The following EYS variants were observed in gnomAD, a reference collection of about 807,000 sequenced individuals.
The protein encoded by EYS is protein eyes shut homolog.
Under a neutral mutation model 282.1 loss-of-function variants are expected in EYS, and 250 were observed. That is an observed-to-expected ratio of 0.89 (90% CI 0.80 to 0.98). The LOEUF is 0.98. Ranked by LOEUF, EYS falls within the 50% of genes least tolerant of loss-of-function variation. EYS has a pLI of 0.00. For synonymous variants in EYS, 1,355 were observed against 1,282.9 expected, an observed-to-expected ratio of 1.06 and a Z score of -1.20; for missense variants, 4,016 against 3,709.0, an observed-to-expected ratio of 1.08 and a Z score of -2.15.
chr6:65,062,618 A>G (rs1395626241), intron 12 of EYS, among the ~76,000 whole-genome samples: 1 of 151,954 alleles, frequency 6.6e-6, no homozygotes, highest in Non-Finnish European at 1.5e-5. Context: ...AGTTTAGAAC[A>G]CATAGTAATC....
At chr6:64,676,842 G>A (rs7759743) in intron 22 of EYS, among the ~76,000 whole-genome samples, 120,165 of 151,988 alleles carry the variant, frequency 0.79, 47,975 homozygotes, top group Middle Eastern at 0.92. Flanking sequence ...CCTTTCATGA[G>A]GGCTCTGCTC....
chr6:63,999,223 T>C, intron 33 of EYS, 40 bp from the exon 34 acceptor site: 1 of 1,402,802 alleles, frequency 7.1e-7, no homozygotes, highest in Non-Finnish European at 9.9e-7. Context: ...ATATGTGTTT[T>C]TGGCAAGAAA....
chr6:64,428,504 A>G (rs910547919), intron 28 of EYS, among the ~76,000 whole-genome samples: 2 of 152,144 alleles, frequency 1.3e-5, no homozygotes, highest in Admixed American at 6.5e-5. Context: ...GGTTAGAGTA[A>G]AAAACATCAT....
intron 41 of EYS, among the ~76,000 whole-genome samples, chr6:63,738,611 T>C: frequency 7.2e-6 from 1 of 139,342 alleles, no homozygotes; most frequent in Admixed American, 7.1e-5. Context: ...GGGGGAGGGA[T>C]AGCTTTAGGA....
rs533213949 is a variant in EYS, at chr6:63,884,696, A to C, written c.7056-20338T>G. On this transcript the variant is annotated intron_variant, in intron 35 of 42. Transcript: ENST00000503581. Reference sequence around the variant, plus strand: ...ATAGTCCGTCAAATCCTGATTTTCGAAATCTTAGTTTGGTTGTTAAGGAAT... The same window carrying C: ...ATAGTCCGTCAAATCCTGATTTTCGCAATCTTAGTTTGGTTGTTAAGGAAT... Among the ~76,000 whole-genome samples the C allele has an allele frequency of 1.8e-4, 28 of 152,278 alleles. 1 individual carries two copies. In the South Asian group the frequency reaches 5.6e-3, roughly 30 times the overall value.
intron 22 of EYS, among the ~76,000 whole-genome samples, chr6:64,812,153 A>G (rs1477989792): frequency 1.3e-5 from 2 of 152,002 alleles, no homozygotes; most frequent in Non-Finnish European, 2.9e-5. Context: ...TATAAAAAAC[A>G]TGTTTACTAT....
intron 36 of EYS, among the ~76,000 whole-genome samples, chr6:63,826,273 T>C (rs1771457944): frequency 6.6e-6 from 1 of 152,190 alleles, no homozygotes; most frequent in East Asian, 1.9e-4. Context: ...ATAATCATTG[T>C]TCCTGAGGAA....
At chr6:64,199,160 A>G (rs922363845) in intron 31 of EYS, among the ~76,000 whole-genome samples, 2 of 152,200 alleles carry the variant, frequency 1.3e-5, no homozygotes, top group Non-Finnish European at 2.9e-5. Flanking sequence ...AGCCAGAGGC[A>G]TCACGCTATC....
intron 12 of EYS, among the ~76,000 whole-genome samples, chr6:65,183,193 T>C (rs1765435061): frequency 6.6e-6 from 1 of 152,026 alleles, no homozygotes; most frequent in Admixed American, 6.6e-5. Context: ...TTTCGTATAG[T>C]TATTACCTGA....
intron 22 of EYS, among the ~76,000 whole-genome samples, chr6:64,663,523 C>G (rs1332746571): frequency 6.6e-6 from 1 of 152,214 alleles, no homozygotes; most frequent in Non-Finnish European, 1.5e-5. Context: ...ACTAGAACTA[C>G]ATTCTTCGGA....
At chr6:63,981,123 T>C (rs1323167348) in intron 35 of EYS, among the ~76,000 whole-genome samples, 1 of 151,820 alleles carries the variant, frequency 6.6e-6, no homozygotes, top group Admixed American at 6.6e-5. Context: ...ACCCATGTTC[T>C]TCTTAATGAG....
chr6:64,649,639 A>G (rs1768486301), intron 22 of EYS, among the ~76,000 whole-genome samples: 1 of 152,128 alleles, frequency 6.6e-6, no homozygotes, highest in Non-Finnish European at 1.5e-5. Context: ...CGCCCAGCCA[A>G]CTGCTTTCTT....
At position 64,467,254 on chromosome 6, in the gene EYS, AAAATTTTG is replaced by A. The variant is rs575352861; in HGVS notation, c.5645-27910_5645-27903del. Among the ~76,000 whole-genome samples, 423 of 152,286 alleles carry A rather than the reference AAAATTTTG, an allele frequency of 2.8e-3. 3 individuals are homozygous for A. The highest frequency in any genetic ancestry group is 9.7e-3 in the African/African-American group (403 of 41,564). ...TTTTTAAATAACTATCTTATTGGCA[AAAATTTTG>A]CAGTCTGAAAATTCCAGGTGTTTCC... On this transcript the variant is annotated intron_variant, in intron 26 of 42. Coordinates refer to ENST00000503581, the MANE Select transcript of EYS (RefSeq NM_001142800.2).
At chr6:65,468,287 A>T (rs1381431199) in intron 5 of EYS, among the ~76,000 whole-genome samples, 2 of 152,098 alleles carry the variant, frequency 1.3e-5, no homozygotes, top group African/African-American at 4.8e-5. Flanking sequence ...TCTTTTTTCA[A>T]AGCCTTCTTC....
intron 22 of EYS, among the ~76,000 whole-genome samples, chr6:64,660,425 T>C (rs1220361153): frequency 6.6e-6 from 1 of 151,766 alleles, no homozygotes; most frequent in Non-Finnish European, 1.5e-5. Context: ...GGTATTCAAT[T>C]AGGAAAAGAG....
At chr6:64,760,702 A>G (rs1773128862) in intron 22 of EYS, among the ~76,000 whole-genome samples, 1 of 152,180 alleles carries the variant, frequency 6.6e-6, no homozygotes, top group Non-Finnish European at 1.5e-5. Context: ...CAATGTCTTT[A>G]ATTGCAGCTT....
chr6:65,216,747 A>G (rs1766323838), intron 12 of EYS, among the ~76,000 whole-genome samples: 2 of 151,772 alleles, frequency 1.3e-5, no homozygotes, highest in African/African-American at 2.4e-5. Context: ...ACACAATCTT[A>G]AACTGTTATA....
intron 36 of EYS, among the ~76,000 whole-genome samples, chr6:63,815,469 T>G (rs1771154712): frequency 6.6e-6 from 1 of 152,196 alleles, no homozygotes; most frequent in Non-Finnish European, 1.5e-5. Context: ...ATTAAAATAT[T>G]ACATTATTAA....
intron 5 of EYS, among the ~76,000 whole-genome samples, chr6:65,476,297 CATAG>C (rs1420164935): frequency 1.3e-5 from 2 of 152,008 alleles, no homozygotes; most frequent in Admixed American, 6.6e-5. Flanking sequence ...GTTGGTCTAC[CATAG>C]ATAGACTAAC....
Sources: allele counts gnomAD v4.1 joint callset (sites outside exome capture counted in the v4.1 genomes callset), GRCh38; gene constraint gnomAD v4.1.1; transcripts MANE v1.5; gene names NCBI Gene and HGNC (gene_info 2026-07-23, HGNC 2026-07-21).